Variants in AGBL4 observed in about 807,000 individuals in gnomAD.
The protein encoded by AGBL4 is AGBL carboxypeptidase 4, also known as cytosolic carboxypeptidase 6.
AGBL4 carries 58 observed loss-of-function variants against 66.4 expected under a neutral mutation model. That is an observed-to-expected ratio of 0.87 (90% confidence interval 0.71 to 1.09). The LOEUF (loss-of-function observed/expected upper bound fraction) is 1.09. AGBL4 is among the 50% of genes least tolerant of loss of function. The pLI, the probability that AGBL4 is intolerant of heterozygous loss-of-function variation, is 0.00. For missense variants in AGBL4, 579 were observed against 631.0 expected (o/e 0.92, Z 0.88); for synonymous variants, 234 against 222.9 (o/e 1.05, Z -0.44).
intron 3 of AGBL4, among the ~76,000 whole-genome samples, chr1:49,395,756 T>TAC (rs1644948179): frequency 7.0e-6 from 1 of 143,126 alleles, no homozygotes; most frequent in African/African-American, 2.6e-5. Flanking sequence ...TGTATATATA[T>TAC]ATATATACAC....
At position 49,801,450 on chromosome 1, in the gene AGBL4, A is replaced by G. The variant is rs563097966; in HGVS notation, c.157+49946T>C. On this transcript the variant is annotated intron_variant, in intron 2 of 13. Coordinates refer to ENST00000371839, the MANE Select transcript of AGBL4 (RefSeq NM_032785.4). ...TCCTGGTCCACAGAAACTGTGATAA[A>G]AAAGTGTTGTTTCAAGCCACTATGT... is the stretch of plus-strand genomic sequence containing the variant. Among the ~76,000 whole-genome samples the G allele has an allele frequency of 2.2e-3, 340 of 152,336 alleles. 4 individuals carry two copies. Among genetic ancestry groups the G allele is most frequent in the African/African-American group, 7.9e-3 (327 of 41,574 alleles).
chr1:48,869,371 T>C (rs1353649445), intron 5 of AGBL4, among the ~76,000 whole-genome samples: 1 of 152,228 alleles, frequency 6.6e-6, no homozygotes, highest in Non-Finnish European at 1.5e-5. Context: ...AAGCTGCCTT[T>C]GCCAAGGTCA....
chr1:48,947,731 G>A (rs550002951), intron 5 of AGBL4, among the ~76,000 whole-genome samples: 3 of 152,302 alleles, frequency 2.0e-5, no homozygotes, highest in Admixed American at 6.5e-5. Flanking sequence ...AGTCAGACAA[G>A]CCAGTCCCTC....
chr1:49,608,668 A>ACC (rs1338085228), intron 3 of AGBL4, among the ~76,000 whole-genome samples: 5 of 152,144 alleles, frequency 3.3e-5, no homozygotes. Context: ...ACCTTTTGAC[A>ACC]TCTGTTTTGC....
Position 49,528,161 on chromosome 1 carries a change from G to A in AGBL4, c.282+169152C>T, listed in dbSNP as rs752659161. On this transcript the variant is annotated intron_variant, in intron 3 of 13. Transcript: ENST00000371839. ...GATTATAAGATAAAGAGAACTGCAC[G>A]GTCACCACATTCTGTCTTGGGCAAG... 5.9e-5 allele frequency among the ~76,000 whole-genome samples: 9 copies of A among 152,044 alleles called. 1 individual carries two copies. The highest frequency in any genetic ancestry group is 2.1e-4 in the South Asian group (1 of 4,812).
chr1:48,793,657 C>A (rs1645603465), intron 6 of AGBL4, among the ~76,000 whole-genome samples: 1 of 152,158 alleles, frequency 6.6e-6, no homozygotes, highest in Admixed American at 6.5e-5. Context: ...TGTTGCCACC[C>A]ATTGATAAAC....
At chr1:48,765,435 A>G (rs1304361380) in intron 6 of AGBL4, among the ~76,000 whole-genome samples, 3 of 152,232 alleles carry the variant, frequency 2.0e-5, no homozygotes, top group East Asian at 1.9e-4. Flanking sequence ...TAAAGAATGT[A>G]AAGATATTGG....
At chr1:48,732,386 A>G (rs1648284357) in intron 6 of AGBL4, among the ~76,000 whole-genome samples, 2 of 152,246 alleles carry the variant, frequency 1.3e-5, no homozygotes, top group African/African-American at 4.8e-5. Flanking sequence ...ATCAACAAAT[A>G]TTTATTGAGC....
intron 5 of AGBL4, among the ~76,000 whole-genome samples, chr1:48,955,280 T>A (rs1254029561): frequency 6.6e-6 from 1 of 152,194 alleles, no homozygotes; most frequent in African/African-American, 2.4e-5. Flanking sequence ...ATATTTTTGA[T>A]AAGTGGTCAC....
At chr1:49,492,405 T>C (rs1353177261) in intron 3 of AGBL4, among the ~76,000 whole-genome samples, 1 of 151,966 alleles carries the variant, frequency 6.6e-6, no homozygotes, top group African/African-American at 2.4e-5. Flanking sequence ...TGTTTACTTT[T>C]GAAATTTTCC....
chr1:49,834,647 TC>T (rs1244676537), intron 2 of AGBL4, among the ~76,000 whole-genome samples: 1 of 152,222 alleles, frequency 6.6e-6, no homozygotes, highest in African/African-American at 2.4e-5. Context: ...ATTCTCTAGT[TC>T]TTTTAATTGT....
At chr1:49,433,781 T>C (rs1031547886) in intron 3 of AGBL4, among the ~76,000 whole-genome samples, 6 of 152,152 alleles carry the variant, frequency 3.9e-5, no homozygotes, top group Admixed American at 1.3e-4. Flanking sequence ...AGTGATAAAA[T>C]AGACTTCACA....
At chr1:49,837,980 A>G (rs899811949) in intron 2 of AGBL4, among the ~76,000 whole-genome samples, 7 of 152,222 alleles carry the variant, frequency 4.6e-5, no homozygotes, top group African/African-American at 9.6e-5. Flanking sequence ...CAGGGAATCA[A>G]TGAGAAAGGT....
At chr1:49,215,632 G>A (rs1040728294) in intron 4 of AGBL4, among the ~76,000 whole-genome samples, 4 of 151,962 alleles carry the variant, frequency 2.6e-5, no homozygotes, top group Non-Finnish European at 5.9e-5. Context: ...CTTTAACAAA[G>A]AACCTCCATC....
At chr1:49,917,644 A>G (rs975706652) in intron 1 of AGBL4, among the ~76,000 whole-genome samples, 1 of 152,182 alleles carries the variant, frequency 6.6e-6, no homozygotes, top group African/African-American at 2.4e-5. Context: ...GGGAGACTTT[A>G]ACACCCCACT....
intron 8 of AGBL4, among the ~76,000 whole-genome samples, chr1:48,651,053 T>A (rs1645922284): frequency 6.6e-6 from 1 of 152,194 alleles, no homozygotes; most frequent in Non-Finnish European, 1.5e-5. Context: ...TCTTTATTAT[T>A]TTTTTATATA....
At chr1:49,559,129 G>T (rs950180334) in intron 3 of AGBL4, among the ~76,000 whole-genome samples, 1 of 152,144 alleles carries the variant, frequency 6.6e-6, no homozygotes, top group African/African-American at 2.4e-5. Flanking sequence ...ATCCAGTGCT[G>T]TGATGGCTTC....
chr1:48,712,123 C>A (rs1010971478), intron 6 of AGBL4, among the ~76,000 whole-genome samples: 4 of 152,200 alleles, frequency 2.6e-5, no homozygotes, highest in Admixed American at 6.5e-5. Flanking sequence ...CTCAAGGCTC[C>A]CCTTCTCCCC....
chr1:48,526,268 G>A, the AGBL4 span, among the ~76,000 whole-genome samples: 2 of 152,130 alleles, frequency 1.3e-5, no homozygotes, highest in Admixed American at 1.3e-4. Context: ...AGGGGAGAAC[G>A]AAAAGAACAC....
Sources: allele counts gnomAD v4.1 joint callset (sites outside exome capture counted in the v4.1 genomes callset), GRCh38; gene constraint gnomAD v4.1.1; transcripts MANE v1.5; gene names NCBI Gene and HGNC (gene_info 2026-07-23, HGNC 2026-07-21).